The following ZC3H12B variants were observed in gnomAD, a reference collection of about 807,000 sequenced individuals.
ZC3H12B encodes probable ribonuclease ZC3H12B.
In ZC3H12B, 7 loss-of-function variants were observed where a neutral mutation model predicts 43.9. The observed-to-expected ratio is 0.16, with a 90% CI of 0.09 to 0.30. ZC3H12B has a LOEUF of 0.30. Ranked by LOEUF, ZC3H12B falls within the 10% of genes least tolerant of loss-of-function variation. The pLI, the probability that ZC3H12B is intolerant of heterozygous loss-of-function variation, is 1.00. For synonymous variants in ZC3H12B, 222 were observed against 241.7 expected (o/e 0.92, Z 0.76); for missense variants, 475 against 670.2 (o/e 0.71, Z 3.22).
the ZC3H12B span, among the ~76,000 whole-genome samples, chrX:65,277,910 A>G: frequency 1.8e-5 from 2 of 111,511 alleles, no homozygotes; most frequent in East Asian, 2.8e-4. Context: ...TAAGAGATCA[A>G]TGAAAGGAAA....
the ZC3H12B span, chrX:65,185,745 TTATA>T: frequency 8.1e-5 from 9 of 111,219 alleles, no homozygotes; most frequent in African/African-American, 2.9e-4. Context: ...GAAAGTAAAA[TTATA>T]TAAATAACCA....
At chrX:65,415,673 C>A (rs2066952067) in intron 3 of ZC3H12B, among the ~76,000 whole-genome samples, 1 of 111,724 alleles carries the variant, frequency 9.0e-6, no homozygotes, top group Admixed American at 9.5e-5. Context: ...AATAGAATGC[C>A]CTTGGCTGAG....
the ZC3H12B span, among the ~76,000 whole-genome samples, chrX:65,212,820 T>C: frequency 9.6e-6 from 1 of 103,894 alleles, no homozygotes; most frequent in African/African-American, 3.5e-5. Flanking sequence ...TCTGGTTTGC[T>C]CAACATTGTA....
chrX:65,328,241 G>A, the ZC3H12B span: 2 of 250,808 alleles, frequency 8.0e-6, no homozygotes, highest in East Asian at 2.0e-4. Flanking sequence ...AGCATACTAT[G>A]CTCTCAAATT....
the ZC3H12B span, among the ~76,000 whole-genome samples, chrX:65,056,295 G>C: frequency 1.8e-5 from 2 of 110,972 alleles, no homozygotes; most frequent in Non-Finnish European, 3.8e-5. Context: ...TTGTGTCTTT[G>C]TTCTCGTTGG....
chrX:65,501,647 C>G (rs1227973128), intron 4 of ZC3H12B, 142 bp from the exon 10 acceptor site: 4 of 563,860 alleles, frequency 7.1e-6, no homozygotes, highest in Non-Finnish European at 1.1e-5. Context: ...TTGTCTGTCT[C>G]TCATCTTTGT....
chrX:65,127,498 A>T, the ZC3H12B span, among the ~76,000 whole-genome samples: 1 of 111,222 alleles, frequency 9.0e-6, no homozygotes, highest in African/African-American at 3.3e-5. Context: ...AGGAGGTGGC[A>T]GTCCTATAGG....
chrX:65,151,937 C>A, the ZC3H12B span, among the ~76,000 whole-genome samples: 15 of 111,829 alleles, frequency 1.3e-4, no homozygotes, highest in Non-Finnish European at 2.8e-4. Context: ...ATACGCAAAT[C>A]AATAACTGTA....
chrX:65,359,357 G>A, the ZC3H12B span, among the ~76,000 whole-genome samples: 2 of 111,780 alleles, frequency 1.8e-5, no homozygotes, highest in South Asian at 7.5e-4. Context: ...GGCTATGGTT[G>A]CTAGAGATAA....
intron 2 of ZC3H12B, among the ~76,000 whole-genome samples, chrX:65,374,071 T>A (rs2066306666): frequency 3.2e-5 from 2 of 63,130 alleles, no homozygotes; most frequent in Non-Finnish European, 5.0e-5. Flanking sequence ...ATATACAGTA[T>A]ATATAACTAT....
chrX:65,178,726 A>T, the ZC3H12B span, among the ~76,000 whole-genome samples: 3 of 112,489 alleles, frequency 2.7e-5, no homozygotes, highest in Admixed American at 9.4e-5. Flanking sequence ...ATCTCATGCC[A>T]GTTAGAATGG....
At chrX:65,332,547 T>A in the ZC3H12B span, among the ~76,000 whole-genome samples, 2 of 110,983 alleles carry the variant, frequency 1.8e-5, no homozygotes, top group African/African-American at 6.5e-5. Flanking sequence ...TGATATGGGG[T>A]TGCTAGATGA....
chrX:65,173,147 A>C, the ZC3H12B span, among the ~76,000 whole-genome samples: 1 of 111,391 alleles, frequency 9.0e-6, no homozygotes, highest in Non-Finnish European at 1.9e-5. Flanking sequence ...GTGCCTTGTA[A>C]GTTGTATTCC....
chrX:65,189,659 G>C, the ZC3H12B span, among the ~76,000 whole-genome samples: 14 of 102,808 alleles, frequency 1.4e-4, no homozygotes, highest in Admixed American at 6.3e-4. Context: ...TTTTTTTCTT[G>C]TAAATTTGTT....
the ZC3H12B span, among the ~76,000 whole-genome samples, chrX:65,216,604 G>C: frequency 2.7e-5 from 3 of 111,531 alleles, no homozygotes; most frequent in Non-Finnish European, 5.6e-5. Context: ...GTGGGCTTGA[G>C]ATACAACCCA....
At chrX:65,221,817 A>C in the ZC3H12B span, among the ~76,000 whole-genome samples, 4 of 111,690 alleles carry the variant, frequency 3.6e-5, no homozygotes, top group Admixed American at 3.8e-4. Context: ...AGATATAAAA[A>C]AAAGGAAATC....
chrX:65,120,437 G>C, the ZC3H12B span, among the ~76,000 whole-genome samples: 1 of 111,290 alleles, frequency 9.0e-6, no homozygotes, highest in Non-Finnish European at 1.9e-5. Flanking sequence ...CTCATGATTT[G>C]GCTCTCTGTT....
At chrX:65,200,703 T>A in the ZC3H12B span, among the ~76,000 whole-genome samples, 2 of 110,785 alleles carry the variant, frequency 1.8e-5, no homozygotes, top group African/African-American at 6.6e-5. Flanking sequence ...CCCAAAGTGC[T>A]GTGTTTACAG....
chrX:65,121,133 C>T, the ZC3H12B span, among the ~76,000 whole-genome samples: 6 of 110,785 alleles, frequency 5.4e-5, no homozygotes, highest in South Asian at 3.8e-4. Context: ...TGTCTCTGCC[C>T]GGCTTTGGTA....
Sources: gnomAD v4.1 joint callset for allele counts (sites outside exome capture counted in the v4.1 genomes callset) on GRCh38, gnomAD v4.1.1 for gene constraint, MANE v1.5 for transcripts, NCBI Gene and HGNC (gene_info 2026-07-23, HGNC 2026-07-21) for gene names.